USH2A: variants seen among roughly 807,000 people sequenced by gnomAD.
USH2A encodes the protein Usher syndrome 2A (autosomal recessive, mild).
Under a neutral mutation model 538.9 loss-of-function variants are expected in USH2A, and 443 were observed. That is an observed-to-expected ratio of 0.82 (90% CI 0.76 to 0.89). The LOEUF (loss-of-function observed/expected upper bound fraction) is 0.89, where lower values mean the gene tolerates loss of function less well. USH2A is among the 40% of genes least tolerant of loss of function. The probability of loss-of-function intolerance (pLI) is 0.00; values close to 1 mark genes in which losing one functional copy is unlikely to be tolerated. For synonymous variants in USH2A, 2,413 were observed against 2,273.5 expected (o/e 1.06, Z -1.75); for missense variants, 6,633 against 6,324.8 (o/e 1.05, Z -1.65).
At chr1:215,702,698 T>A (rs1333324166) in intron 61 of USH2A, among the ~76,000 whole-genome samples, 1 of 151,978 alleles carries the variant, frequency 6.6e-6, no homozygotes, top group Non-Finnish European at 1.5e-5. Flanking sequence ...GTTATTCTAG[T>A]TAGCAGTTCC....
intron 21 of USH2A, among the ~76,000 whole-genome samples, chr1:216,169,420 T>C (rs905865105): frequency 2.0e-5 from 3 of 152,124 alleles, no homozygotes; most frequent in African/African-American, 7.2e-5. Context: ...CATTCTTAAA[T>C]TGGTCTTATG....
chr1:216,013,657 A>G (rs956076540), intron 32 of USH2A, among the ~76,000 whole-genome samples: 2 of 151,552 alleles, frequency 1.3e-5, no homozygotes, highest in African/African-American at 4.8e-5. Flanking sequence ...TCCCCCACTG[A>G]GTACCTTGTG....
rs367823734 is a variant in USH2A at position 216,108,094 on chromosome 1, T to C, written c.4628-10881A>G. Reference sequence around the variant, plus strand: ...TTTAATTTCCATTTTCCTTCATTTTTTCCTCACACTTGAGTTATTATTGGT... The same window carrying C: ...TTTAATTTCCATTTTCCTTCATTTTCTCCTCACACTTGAGTTATTATTGGT... On this transcript the variant is annotated intron_variant, in intron 21 of 71. Coordinates refer to ENST00000307340, the MANE Select transcript of USH2A (RefSeq NM_206933.4). 9.2e-5 allele frequency among the ~76,000 whole-genome samples: 14 copies of C among 152,026 alleles called. 1 individual carries two copies. The highest frequency in any genetic ancestry group is 2.1e-4 in the South Asian group (1 of 4,828).
chr1:215,639,299 T>A, intron 68 of USH2A, 61 bp from the exon 69 acceptor site: 1 of 1,541,644 alleles, frequency 6.5e-7, no homozygotes, highest in South Asian at 1.1e-5. Flanking sequence ...ATAGGGCACA[T>A]GCTTTTAAAA....
chr1:216,243,357 T>C (rs1231506233), intron 13 of USH2A, among the ~76,000 whole-genome samples: 2 of 152,232 alleles, frequency 1.3e-5, no homozygotes, highest in African/African-American at 4.8e-5. Flanking sequence ...TATTCGGAAG[T>C]TGACTAATGT....
chr1:216,337,309 G>T (rs1195120792), intron 4 of USH2A, among the ~76,000 whole-genome samples: 1 of 151,258 alleles, frequency 6.6e-6, no homozygotes, highest in African/African-American at 2.4e-5. Flanking sequence ...TTTTAAAGAT[G>T]AGGAAACTGA....
intron 61 of USH2A, among the ~76,000 whole-genome samples, chr1:215,703,648 T>C (rs4415536): frequency 0.81 from 123,783 of 152,026 alleles, 50,650 homozygotes; most frequent in East Asian, 0.99. Context: ...TCCATAATGG[T>C]GGACATCCCT....
intron 14 of USH2A, among the ~76,000 whole-genome samples, chr1:216,231,084 A>C (rs2035668372): frequency 6.6e-6 from 1 of 150,460 alleles, no homozygotes; most frequent in Non-Finnish European, 1.5e-5. Flanking sequence ...ACTGAAAAAA[A>C]TCATATCACA....
intron 61 of USH2A, among the ~76,000 whole-genome samples, chr1:215,726,711 T>C (rs574614418): frequency 6.6e-6 from 1 of 152,316 alleles, no homozygotes; most frequent in South Asian, 2.1e-4. Context: ...TTGGCACATA[T>C]TTGTATTTCA....
At chr1:216,336,801 A>C (rs2037983299) in intron 4 of USH2A, among the ~76,000 whole-genome samples, 1 of 151,538 alleles carries the variant, frequency 6.6e-6, no homozygotes, top group Non-Finnish European at 1.5e-5. Context: ...TAAAACTATA[A>C]TATAGCTAGA....
chr1:216,106,086 G>A (rs1268476452), intron 21 of USH2A, among the ~76,000 whole-genome samples: 1 of 149,318 alleles, frequency 6.7e-6, no homozygotes, highest in Non-Finnish European at 1.5e-5. Flanking sequence ...TTTTAGCAGT[G>A]GCTAGAACTA....
chr1:216,087,061 C>T (rs1277140766), intron 23 of USH2A: 4 of 473,420 alleles, frequency 8.4e-6, no homozygotes, highest in Non-Finnish European at 1.6e-5. Context: ...TAGGCACCCC[C>T]TAAGTACTCT....
At chr1:215,896,289 G>A (rs535248736) in intron 40 of USH2A, among the ~76,000 whole-genome samples, 1 of 150,782 alleles carries the variant, frequency 6.6e-6, no homozygotes, top group African/African-American at 2.4e-5. Flanking sequence ...AATCTAAAGT[G>A]AATTCAAGTT....
intron 47 of USH2A, among the ~76,000 whole-genome samples, chr1:215,833,946 G>A (rs760723954): frequency 8.5e-5 from 13 of 152,166 alleles, no homozygotes; most frequent in Non-Finnish European, 1.5e-4. Context: ...AAAAGCAATT[G>A]CAAAGCTTAT....
At position 215,751,240 on chromosome 1, in the gene USH2A, T is replaced by C. The variant is rs74144034; in HGVS notation, c.11389+7355A>G. On this transcript the variant is annotated intron_variant, in intron 58 of 71. Coordinates refer to ENST00000307340, the MANE Select transcript of USH2A (RefSeq NM_206933.4). The stretch of plus-strand genomic sequence containing the variant: ...GCCAGCTAACCTTTAATCAAAATGA[T>C]AAATAAAAAAATTTGTATTTCTAGA... Among the ~76,000 whole-genome samples, 1,262 of 152,204 alleles carry C rather than the reference T, an allele frequency of 8.3e-3. 19 individuals carry two copies. The highest frequency in any genetic ancestry group is 0.029 in the African/African-American group (1,207 of 41,564).
intron 38 of USH2A, among the ~76,000 whole-genome samples, chr1:215,915,936 A>G (rs61828484): frequency 0.15 from 21,948 of 151,276 alleles, 1,685 homozygotes; most frequent in Non-Finnish European, 0.15. Flanking sequence ...CTATCACAAC[A>G]ACAAAAAACC....
Position 215,790,230 on chromosome 1 carries a change from G to A in USH2A, c.10011C>T (p.Cys3337=). ...CTTTAGACTCTCCACTGGAAGCTGA[G>A]CAGCATATGGTATCTGACATATTCA... ...DYVNMSDTIC[C]SASSGESKAH... Residue 3337 remains cysteine, a synonymous_variant, in exon 51 of 72, where the codon TGC becomes TGT. Coordinates refer to ENST00000307340, the MANE Select transcript of USH2A (RefSeq NM_206933.4). 6.2e-7 allele frequency: 1 copy of A among 1,614,010 alleles called. No individual in the cohort carries two copies. The highest frequency in any genetic ancestry group is 1.1e-5 in the South Asian group (1 of 91,080).
intron 24 of USH2A, 39 bp downstream of exon 24, chr1:216,086,680 G>C: frequency 7.0e-7 from 1 of 1,428,516 alleles, no homozygotes; most frequent in South Asian, 1.2e-5. Flanking sequence ...TCTATTCTAA[G>C]TTTGGATGAC....
At chr1:216,186,507 C>T (rs1296829590) in intron 20 of USH2A, among the ~76,000 whole-genome samples, 1 of 151,928 alleles carries the variant, frequency 6.6e-6, no homozygotes, top group Non-Finnish European at 1.5e-5. Context: ...TCACTTCACT[C>T]TTCCTTTCTT....
Sources: gnomAD v4.1 joint callset for allele counts (sites outside exome capture counted in the v4.1 genomes callset) on GRCh38, gnomAD v4.1.1 for gene constraint, MANE v1.5 for transcripts, NCBI Gene and HGNC (gene_info 2026-07-23, HGNC 2026-07-21) for gene names.